SV2C: variants seen among roughly 807,000 people sequenced by gnomAD.
SV2C encodes solute carrier family 22 member B3.
Under a neutral mutation model 79.7 loss-of-function variants are expected in SV2C, and 49 were observed. The ratio of observed to expected loss-of-function variants is 0.61; its 90% confidence interval spans 0.49 to 0.78. SV2C has a LOEUF of 0.78. SV2C is among the 30% of genes least tolerant of loss of function. SV2C has a pLI of 0.00. For synonymous variants in SV2C, 334 were observed against 333.2 expected, an observed-to-expected ratio of 1.00 and a Z score of -0.03; for missense variants, 833 against 912.9, an observed-to-expected ratio of 0.91 and a Z score of 1.13.
At chr5:76,281,373 T>A (rs781538630) in intron 4 of SV2C, 5 of 241,892 alleles carry the variant, frequency 2.1e-5, no homozygotes, top group Non-Finnish European at 4.1e-5. Context: ...ATGCCTTTTT[T>A]AAAAATAAAC....
At chr5:76,119,725 A>G (rs990552472) in intron 1 of SV2C, among the ~76,000 whole-genome samples, 1 of 152,140 alleles carries the variant, frequency 6.6e-6, no homozygotes, top group Non-Finnish European at 1.5e-5. Flanking sequence ...CAAAAAACAA[A>G]AAACAAAACA....
the SV2C span, among the ~76,000 whole-genome samples, chr5:75,916,366 C>T: frequency 7.3e-6 from 1 of 136,516 alleles, no homozygotes; most frequent in East Asian, 2.2e-4. Flanking sequence ...CTCCTCTCCT[C>T]CTCCTTCCTC....
chr5:75,978,393 C>T, the SV2C span, among the ~76,000 whole-genome samples: 1 of 152,136 alleles, frequency 6.6e-6, no homozygotes, highest in African/African-American at 2.4e-5. Context: ...ACCACATAGA[C>T]AATGTCAAAT....
At chr5:76,278,938 C>T (rs1047783351) in intron 4 of SV2C, among the ~76,000 whole-genome samples, 1 of 152,132 alleles carries the variant, frequency 6.6e-6, no homozygotes, top group Non-Finnish European at 1.5e-5. Flanking sequence ...TGCTAAAGGT[C>T]AGGGGAAGGT....
chr5:76,243,213 C>T (rs970046602), intron 4 of SV2C, among the ~76,000 whole-genome samples: 1 of 151,998 alleles, frequency 6.6e-6, no homozygotes, highest in Non-Finnish European at 1.5e-5. Flanking sequence ...ACTTGCACTA[C>T]AGAAATGCAT....
the SV2C span, among the ~76,000 whole-genome samples, chr5:75,916,438 T>C: frequency 7.3e-6 from 1 of 136,316 alleles, no homozygotes; most frequent in African/African-American, 2.7e-5. Flanking sequence ...TTCCTCCCCT[T>C]CTCCTCTCCT....
chr5:76,177,516 A>C (rs568628955), intron 2 of SV2C, among the ~76,000 whole-genome samples: 1 of 152,248 alleles, frequency 6.6e-6, no homozygotes, highest in Admixed American at 6.5e-5. Flanking sequence ...ATACTATAAT[A>C]AAAGTTACCT....
chr5:76,061,373 T>G, the SV2C span, among the ~76,000 whole-genome samples: 2 of 150,836 alleles, frequency 1.3e-5, no homozygotes, highest in South Asian at 4.2e-4. Flanking sequence ...TTTCCAAAGG[T>G]CTGTAAAGGA....
the SV2C span, among the ~76,000 whole-genome samples, chr5:75,993,020 G>C: frequency 6.6e-6 from 1 of 152,038 alleles, no homozygotes; most frequent in Non-Finnish European, 1.5e-5. Flanking sequence ...TAAAGAGTAT[G>C]ATGAAATCAT....
rs187798750 is a variant in SV2C, at chr5:76,188,097, G to A, written c.581-6822G>A. 8.3e-3 allele frequency among the ~76,000 whole-genome samples: 1,263 copies of A among 151,952 alleles called. 16 individuals are homozygous for A. The highest frequency in any genetic ancestry group is 0.029 in the African/African-American group (1,194 of 41,434). ...CAATATGGTGAAACCCCATCTCTAC[G>A]AAAAATACAAAAAATTAGCTGGACA... On this transcript the variant is annotated intron_variant, in intron 2 of 12. Coordinates refer to ENST00000502798, the MANE Select transcript of SV2C (RefSeq NM_014979.4).
At chr5:76,306,024 C>T (rs1404091497) in intron 12 of SV2C, among the ~76,000 whole-genome samples, 1 of 152,104 alleles carries the variant, frequency 6.6e-6, no homozygotes, top group Non-Finnish European at 1.5e-5. Context: ...ACAAAAGACA[C>T]TCTTTTGGTG....
At chr5:76,188,385 G>C (rs1417716436) in intron 2 of SV2C, among the ~76,000 whole-genome samples, 1 of 152,158 alleles carries the variant, frequency 6.6e-6, no homozygotes, top group Admixed American at 6.5e-5. Context: ...CCACTATACA[G>C]AGGAGAAAAC....
chr5:76,131,564 C>A, intron 1 of SV2C, 86 bp from the exon 2 acceptor site: 2 of 394,980 alleles, frequency 5.1e-6, no homozygotes, highest in Non-Finnish European at 4.4e-6. Flanking sequence ...GTTTGTGGGA[C>A]ACTGAAAAGA....
chr5:76,007,310 T>C, the SV2C span, among the ~76,000 whole-genome samples: 1 of 151,982 alleles, frequency 6.6e-6, no homozygotes, highest in African/African-American at 2.4e-5. Flanking sequence ...CATAAGCGTA[T>C]AGTGAAATAA....
chr5:76,219,515 T>C (rs1338422953), intron 4 of SV2C, among the ~76,000 whole-genome samples: 1 of 152,206 alleles, frequency 6.6e-6, no homozygotes, highest in Non-Finnish European at 1.5e-5. Context: ...TCTGTTTCAT[T>C]GTTCATGGCA....
intron 12 of SV2C, among the ~76,000 whole-genome samples, chr5:76,345,811 A>C (rs901190074): frequency 1.3e-5 from 2 of 152,080 alleles, no homozygotes; most frequent in Non-Finnish European, 2.9e-5. Context: ...AGAGTGAGTC[A>C]CCCACCTGAC....
intron 12 of SV2C, among the ~76,000 whole-genome samples, chr5:76,345,384 C>T (rs146827886): frequency 6.6e-6 from 1 of 152,320 alleles, no homozygotes; most frequent in African/African-American, 2.4e-5. Flanking sequence ...AAGATAGACC[C>T]AGCTTCTCCT....
intron 2 of SV2C, among the ~76,000 whole-genome samples, chr5:76,159,713 C>T (rs1413406874): frequency 1.3e-5 from 2 of 152,010 alleles, no homozygotes; most frequent in African/African-American, 4.8e-5. Flanking sequence ...CTTGTAATTG[C>T]ACCAATCATA....
chr5:75,924,538 A>C, the SV2C span, among the ~76,000 whole-genome samples: 1 of 152,258 alleles, frequency 6.6e-6, no homozygotes, highest in South Asian at 2.1e-4. Flanking sequence ...TGTCAAGCCC[A>C]TGCCATTGAC....
Sources: gnomAD v4.1 joint callset for allele counts (sites outside exome capture counted in the v4.1 genomes callset) on GRCh38, gnomAD v4.1.1 for gene constraint, MANE v1.5 for transcripts, NCBI Gene and HGNC (gene_info 2026-07-23, HGNC 2026-07-21) for gene names.